CWC27: variants seen among roughly 807,000 people sequenced by gnomAD.
The protein encoded by CWC27 is spliceosome-associated protein CWC27 homolog.
In CWC27, 47 loss-of-function variants were observed where a neutral mutation model predicts 63.6. The ratio of observed to expected loss-of-function variants is 0.74; its 90% confidence interval spans 0.58 to 0.94. CWC27 has a LOEUF of 0.94. Ranked by LOEUF, CWC27 falls within the 40% of genes least tolerant of loss-of-function variation. The probability of loss-of-function intolerance (pLI) is 0.00; values close to 1 mark genes in which losing one functional copy is unlikely to be tolerated. For missense variants in CWC27, 495 were observed against 554.3 expected, an observed-to-expected ratio of 0.89 and a Z score of 1.07; for synonymous variants, 175 against 179.8, an observed-to-expected ratio of 0.97 and a Z score of 0.22.
At chr5:64,936,074 A>C (rs1384372281) in intron 11 of CWC27, among the ~76,000 whole-genome samples, 1 of 152,140 alleles carries the variant, frequency 6.6e-6, no homozygotes, top group Non-Finnish European at 1.5e-5. Flanking sequence ...CTCTCTTCCT[A>C]TTTGAATACC....
At position 65,005,766 on chromosome 5, in the gene CWC27, C is replaced by A. The variant is rs147239122; in HGVS notation, c.1257-12393C>A. ...AAGAGAACCCTAAGTTACTTGTAATCAGTAATAGAGAAAAGCCCTAAAATT... is the reference window on the plus strand; with the variant it reads ...AAGAGAACCCTAAGTTACTTGTAATAAGTAATAGAGAAAAGCCCTAAAATT... On this transcript the variant is annotated intron_variant, in intron 13 of 13. Coordinates refer to ENST00000381070, the MANE Select transcript of CWC27 (RefSeq NM_005869.4). Among the ~76,000 whole-genome samples the A allele has an allele frequency of 4.5e-3, 682 of 152,188 alleles. 6 individuals are homozygous for A. Among genetic ancestry groups the A allele is most frequent in the African/African-American group, 0.016 (651 of 41,518 alleles).
intron 10 of CWC27, among the ~76,000 whole-genome samples, chr5:64,852,801 G>T (rs10940006): frequency 0.35 from 53,363 of 151,248 alleles, 9,848 homozygotes; most frequent in East Asian, 0.51. Flanking sequence ...TTAAATTAAG[G>T]GCTTTTCATA....
chr5:64,947,345 T>C (rs1343654634), intron 11 of CWC27, among the ~76,000 whole-genome samples: 2 of 152,118 alleles, frequency 1.3e-5, no homozygotes, highest in Non-Finnish European at 1.5e-5. Flanking sequence ...TGCTCCTGTG[T>C]TAGCCTGCCT....
chr5:64,864,033 G>C (rs1180428868), intron 10 of CWC27, among the ~76,000 whole-genome samples: 1 of 152,074 alleles, frequency 6.6e-6, no homozygotes, highest in East Asian at 1.9e-4. Context: ...CTGAGGCTTT[G>C]ATTATTTTGA....
intron 10 of CWC27, among the ~76,000 whole-genome samples, chr5:64,854,533 A>G (rs1265327807): frequency 1.3e-5 from 2 of 152,234 alleles, no homozygotes; most frequent in African/African-American, 4.8e-5. Context: ...TGCCCTGTGC[A>G]AAAAACTATA....
chr5:64,860,204 A>G (rs1421008941), intron 10 of CWC27, among the ~76,000 whole-genome samples: 1 of 152,200 alleles, frequency 6.6e-6, no homozygotes, highest in Non-Finnish European at 1.5e-5. Flanking sequence ...ACAATTTAAT[A>G]ATGTTATTTA....
At position 64,781,986 on chromosome 5, in the gene CWC27, A is replaced by G. The variant is rs779893740; in HGVS notation, c.205A>G (p.Thr69Ala). Residue 69 changes from threonine to alanine, a missense_variant, in exon 3 of 14, where the codon ACT (threonine) becomes GCT (alanine). Thr to Ala is a moderately conservative substitution (Grantham distance 58, BLOSUM62 0). Transcript: ENST00000381070. Reference sequence around the variant, plus strand: ...TTTCATAGTCCAAGGCGGAGATCCTACTGGCACAGGGAGTGGTGGAGAGTC... The same window carrying G: ...TTTCATAGTCCAAGGCGGAGATCCTGCTGGCACAGGGAGTGGTGGAGAGTC... ...PGFIVQGGDP[T>A]GTGSGGESIY... The G allele has an allele frequency of 2.5e-6, 4 of 1,604,076 alleles. No individual in the cohort carries two copies. The highest frequency in any genetic ancestry group is 3.4e-6 in the Non-Finnish European group (4 of 1,173,048).
At chr5:64,977,942 C>T (rs1177110159) in intron 13 of CWC27, among the ~76,000 whole-genome samples, 3 of 152,172 alleles carry the variant, frequency 2.0e-5, no homozygotes, top group Non-Finnish European at 4.4e-5. Context: ...CCTGGCTCAG[C>T]CACATTGCTG....
chr5:64,979,125 T>C (rs1749286006), intron 13 of CWC27, among the ~76,000 whole-genome samples: 2 of 152,168 alleles, frequency 1.3e-5, no homozygotes, highest in Admixed American at 1.3e-4. Context: ...ACATTCTCAT[T>C]AGAAAGTTTA....
chr5:64,898,515 C>T (rs1747431327), intron 11 of CWC27, among the ~76,000 whole-genome samples: 1 of 152,076 alleles, frequency 6.6e-6, no homozygotes, highest in Admixed American at 6.6e-5. Flanking sequence ...TTGTATCAGA[C>T]ATTTGTCACT....
chr5:64,783,303 G>A (rs980523425), intron 3 of CWC27, among the ~76,000 whole-genome samples: 6 of 152,094 alleles, frequency 3.9e-5, no homozygotes, highest in African/African-American at 7.2e-5. Flanking sequence ...TTGAAAACTG[G>A]CAAATAGAAT....
rs1316740418 is a variant in CWC27 at position 64,908,516 on chromosome 5, C to T, written c.1042+22970C>T. On this transcript the variant is annotated intron_variant, in intron 11 of 13. Coordinates refer to ENST00000381070, the MANE Select transcript of CWC27 (RefSeq NM_005869.4). ...TCTCCCATTATTATTGTGTGGGAGTCTAAGTCTCTTTGTAGGTTTCTAAGG... is the reference window on the plus strand; with the variant it reads ...TCTCCCATTATTATTGTGTGGGAGTTTAAGTCTCTTTGTAGGTTTCTAAGG... Among the ~76,000 whole-genome samples the T allele has an allele frequency of 3.3e-5, 5 of 152,284 alleles. No homozygotes were observed. The South Asian group carries it at 1.0e-3, about 32-fold the overall frequency.
chr5:64,807,410 G>A (rs1394520543), intron 10 of CWC27, among the ~76,000 whole-genome samples: 1 of 152,170 alleles, frequency 6.6e-6, no homozygotes, highest in African/African-American at 2.4e-5. Context: ...TCTTCTCCTA[G>A]TAATGTGTTC....
chr5:65,008,965 T>G (rs548916287), intron 13 of CWC27, among the ~76,000 whole-genome samples: 1 of 151,946 alleles, frequency 6.6e-6, no homozygotes, highest in East Asian at 1.9e-4. Context: ...CCCATTTATA[T>G]TTCCATAAAG....
intron 10 of CWC27, among the ~76,000 whole-genome samples, chr5:64,853,610 T>C (rs140201969): frequency 1.3e-5 from 2 of 152,188 alleles, no homozygotes; most frequent in Middle Eastern, 3.2e-3. Context: ...AAGCATGATA[T>C]CAACATCTGC....
In CWC27 at chr5:64,967,015, C is replaced by T. The variant is rs75945945; in HGVS notation, c.1043-4688C>T. Among the ~76,000 whole-genome samples, 525 of 151,952 alleles carry T rather than the reference C, an allele frequency of 3.5e-3. 21 individuals are homozygous for T. In the East Asian group the frequency reaches 0.087, roughly 25 times the overall value. On this transcript the variant is annotated intron_variant, in intron 11 of 13. Transcript: ENST00000381070. ...ACATATCTTCTTTTTTTTTACATTC[C>T]CATGACATTTTGGTGGAAGAGAGGT...
chr5:64,881,800 T>C (rs1746941012), intron 10 of CWC27, among the ~76,000 whole-genome samples: 1 of 152,194 alleles, frequency 6.6e-6, no homozygotes, highest in Non-Finnish European at 1.5e-5. Flanking sequence ...TACTTCAAAT[T>C]ATTCTCATAA....
At chr5:64,866,960 A>C (rs943231033) in intron 10 of CWC27, among the ~76,000 whole-genome samples, 1 of 152,080 alleles carries the variant, frequency 6.6e-6, no homozygotes, top group African/African-American at 2.4e-5. Flanking sequence ...AATGTATGAC[A>C]CTTTTGCTTT....
chr5:64,888,407 TTTA>T lies in CWC27; in HGVS notation c.1042+2869_1042+2871del, dbSNP rs1023808610. Among the ~76,000 whole-genome samples the T allele has an allele frequency of 2.4e-4, 34 of 139,658 alleles. 1 individual carries two copies. Among genetic ancestry groups the T allele is most frequent in the African/African-American group, 6.0e-4 (22 of 36,400 alleles). The allele number at this position is 139,658 out of a possible 152,430, so 91.6% of individuals were successfully genotyped here. On this transcript the variant is annotated intron_variant, in intron 11 of 13. Transcript: ENST00000381070. ...ATAAATATATAAATAACATATATTATTTATTATTATAACTTTATAAATGTCAAC... is the reference window on the plus strand; with the variant it reads ...ATAAATATATAAATAACATATATTATTTATTATAACTTTATAAATGTCAAC...
Sources: allele counts gnomAD v4.1 joint callset (sites outside exome capture counted in the v4.1 genomes callset), GRCh38; gene constraint gnomAD v4.1.1; transcripts MANE v1.5; gene names NCBI Gene and HGNC (gene_info 2026-07-23, HGNC 2026-07-21).